KANSL1: variants seen among roughly 807,000 people sequenced by gnomAD.
The protein encoded by KANSL1 is KAT8 regulatory NSL complex subunit 1, also known as MLL1/MLL complex subunit KANSL1.
A neutral mutation model predicts 103.6 loss-of-function variants in KANSL1; 22 were observed. The observed-to-expected ratio is 0.21, with a 90% CI of 0.15 to 0.30. The LOEUF (loss-of-function observed/expected upper bound fraction) is 0.30. Among genes scored for constraint, KANSL1 ranks in the 10% least tolerant of loss-of-function variants. The probability of loss-of-function intolerance (pLI) is 1.00; values close to 1 mark genes in which losing one functional copy is unlikely to be tolerated. For missense variants in KANSL1, 1,337 were observed against 1,399.8 expected, an observed-to-expected ratio of 0.96 and a Z score of 0.72; for synonymous variants, 600 against 527.6, an observed-to-expected ratio of 1.14 and a Z score of -1.88.
At chr17:46,129,198 G>A (rs943524890) in intron 2 of KANSL1, among the ~76,000 whole-genome samples, 2 of 152,152 alleles carry the variant, frequency 1.3e-5, no homozygotes, top group Non-Finnish European at 2.9e-5. Context: ...GAACAGTGCA[G>A]TATGTTCTAG....
At chr17:46,202,445 G>GCT (rs2147986080) in intron 1 of KANSL1, among the ~76,000 whole-genome samples, 1 of 152,300 alleles carries the variant, frequency 6.6e-6, no homozygotes, top group East Asian at 1.9e-4. Flanking sequence ...GATATGTCCT[G>GCT]CTTGTAACAA....
rs982906211 is a variant in KANSL1 at position 46,150,298 on chromosome 17, C to T, written c.1289+20557G>A. On this transcript the variant is annotated intron_variant, in intron 2 of 14. Transcript: ENST00000432791. ...ACACCTACATCTCCCTTGCTTCCCA[C>T]ACTACCACCTAGAACTAAAATCCAT... Among the ~76,000 whole-genome samples, 7 of 152,056 alleles carry T rather than the reference C, an allele frequency of 4.6e-5. No individual in the cohort carries two copies. In the East Asian group the frequency reaches 1.2e-3, roughly 25 times the overall value.
chr17:46,185,656 CAT>C (rs377660109), intron 1 of KANSL1, among the ~76,000 whole-genome samples: 2 of 148,538 alleles, frequency 1.3e-5, no homozygotes, highest in Non-Finnish European at 1.5e-5. Flanking sequence ...TCCCATTAAA[CAT>C]ATATATATAC....
intron 1 of KANSL1, among the ~76,000 whole-genome samples, chr17:46,179,613 T>C (rs1597896307): frequency 6.6e-6 from 1 of 152,216 alleles, no homozygotes; most frequent in African/African-American, 2.4e-5. Flanking sequence ...GAAGTGTCCA[T>C]GAAGTTGCCG....
intron 2 of KANSL1, among the ~76,000 whole-genome samples, chr17:46,109,367 ATGCTTT>A (rs1409398474): frequency 6.6e-6 from 1 of 152,236 alleles, no homozygotes; most frequent in East Asian, 1.9e-4. Context: ...CTCAATTTCT[ATGCTTT>A]TGCAAACCAC....
In KANSL1 at chr17:46,032,236, G is replaced by T; in HGVS notation, c.2901C>A (p.Pro967=). The T allele has an allele frequency of 6.4e-7, 1 of 1,574,202 alleles. No individual in the cohort carries two copies. Among genetic ancestry groups the T allele is most frequent in the Non-Finnish European group, 8.6e-7 (1 of 1,156,932 alleles). ...PQLGSANPST[P]QPASPDVSSS... is the part of the protein sequence containing the mutation. ...TGCTGACATCAGGGGAGGCAGGCTG[G>T]GGGGTGGAGGGGTTGGCACTGCCCA... Residue 967 remains proline, a synonymous_variant, in exon 14 of 15, where the codon CCC becomes CCA. Coordinates refer to ENST00000432791, the MANE Select transcript of KANSL1 (RefSeq NM_015443.4).
chr17:46,067,719 G>A, intron 4 of KANSL1, 52 bp from the exon 5 acceptor site: 1 of 891,302 alleles, frequency 1.1e-6, no homozygotes, highest in Non-Finnish European at 1.9e-6. Flanking sequence ...GCGCACCCCT[G>A]CCTGAAAAGC....
intron 1 of KANSL1, chr17:46,221,203 C>T (rs1215678653): frequency 6.6e-6 from 1 of 152,014 alleles, no homozygotes; most frequent in Non-Finnish European, 1.5e-5. Flanking sequence ...ACAGTTTTTA[C>T]TTCATTTCAC....
intron 2 of KANSL1, among the ~76,000 whole-genome samples, chr17:46,136,895 A>G (rs1278350817): frequency 6.6e-6 from 1 of 152,258 alleles, no homozygotes; most frequent in Non-Finnish European, 1.5e-5. Flanking sequence ...TTAAAAAACA[A>G]AACAAAATGT....
In KANSL1 at chr17:46,171,547, C is replaced by T; in HGVS notation, c.597G>A (p.Gly199=). Reference sequence around the variant, plus strand: ...AATTGGTCATACCCCCCTTCAAGTCCCCAGATTCAGATCCTCCCATTTCAC... The same window carrying T: ...AATTGGTCATACCCCCCTTCAAGTCTCCAGATTCAGATCCTCCCATTTCAC... ...HGGEMGGSES[G]DLKGGMTNCT... The change falls in exon 2 of 15, where the codon GGG becomes GGA. Residue 199 remains glycine (G), a synonymous_variant. Coordinates refer to ENST00000432791, the MANE Select transcript of KANSL1 (RefSeq NM_015443.4). The T allele has an allele frequency of 1.2e-6, 2 of 1,611,466 alleles. No homozygotes were observed. The highest frequency in any genetic ancestry group is 8.5e-7 in the Non-Finnish European group (1 of 1,178,792).
At chr17:46,074,910 GAC>G (rs1458576104) in intron 4 of KANSL1, among the ~76,000 whole-genome samples, 1 of 152,120 alleles carries the variant, frequency 6.6e-6, no homozygotes, top group Non-Finnish European at 1.5e-5. Flanking sequence ...CTATTAGAAA[GAC>G]AAGTCAAAAT....
intron 2 of KANSL1, among the ~76,000 whole-genome samples, chr17:46,096,653 C>T (rs1488054616): frequency 6.7e-6 from 1 of 149,876 alleles, no homozygotes; most frequent in African/African-American, 2.5e-5. Context: ...GAGTCTTGCT[C>T]TGTCGCCCGG....
intron 2 of KANSL1, among the ~76,000 whole-genome samples, chr17:46,126,858 C>T (rs955298223): frequency 6.6e-6 from 1 of 152,332 alleles, no homozygotes; most frequent in Non-Finnish European, 1.5e-5. Context: ...TCTGGCTGTA[C>T]CACTCAACAA....
intron 1 of KANSL1, among the ~76,000 whole-genome samples, chr17:46,173,941 C>A (rs2046402197): frequency 6.6e-6 from 1 of 152,218 alleles, no homozygotes; most frequent in East Asian, 1.9e-4. Context: ...TGAACTAGAG[C>A]TTTGTTCATG....
At chr17:46,209,398 T>C (rs575989680) in intron 1 of KANSL1, among the ~76,000 whole-genome samples, 4 of 152,346 alleles carry the variant, frequency 2.6e-5, no homozygotes, top group Admixed American at 1.3e-4. Context: ...AAATCTCTAA[T>C]AGTGAATCAA....
chr17:46,067,314 G>A (rs569047349), intron 5 of KANSL1, among the ~76,000 whole-genome samples: 48 of 152,308 alleles, frequency 3.2e-4, no homozygotes, highest in African/African-American at 1.1e-3. Flanking sequence ...ATAATTCACA[G>A]TAACTGTAGT....
intron 2 of KANSL1, among the ~76,000 whole-genome samples, chr17:46,168,607 A>T (rs1433212589): frequency 1.3e-5 from 2 of 152,204 alleles, no homozygotes; most frequent in Non-Finnish European, 2.9e-5. Context: ...TCAGCCTCCC[A>T]AAGTGCTGGG....
chr17:46,123,432 A>C (rs541506647), intron 2 of KANSL1, among the ~76,000 whole-genome samples: 8 of 152,242 alleles, frequency 5.3e-5, no homozygotes, highest in Non-Finnish European at 1.2e-4. Context: ...AGCTTCTGAG[A>C]AAGGTATGTT....
chr17:46,093,819 G>C (rs1254544524), intron 3 of KANSL1: 1 of 152,190 alleles, frequency 6.6e-6, no homozygotes, highest in East Asian at 1.9e-4. Flanking sequence ...AAAATACTTT[G>C]CAAGAATGTA....
Sources: allele counts gnomAD v4.1 joint callset (sites outside exome capture counted in the v4.1 genomes callset), GRCh38; gene constraint gnomAD v4.1.1; transcripts MANE v1.5; gene names NCBI Gene and HGNC (gene_info 2026-07-23, HGNC 2026-07-21).